Variants in INCENP observed in about 807,000 individuals in gnomAD.
The protein encoded by INCENP is binds and activates aurora-B and -C in vivo and in vitro.
Under a neutral mutation model 107.3 loss-of-function variants are expected in INCENP, and 43 were observed. The ratio of observed to expected loss-of-function variants is 0.40; its 90% CI spans 0.31 to 0.52. The LOEUF (loss-of-function observed/expected upper bound fraction) is 0.52, where lower values mean the gene tolerates loss of function less well. INCENP is among the 20% of genes least tolerant of loss of function. INCENP has a pLI of 0.53. For synonymous variants in INCENP, 488 were observed against 494.4 expected (o/e 0.99, Z 0.17); for missense variants, 1,089 against 1,250.9 (o/e 0.87, Z 1.95).
chr11:62,146,997 G>A (rs570390649), intron 15 of INCENP, 95 bp downstream of exon 15: 32 of 1,531,832 alleles, frequency 2.1e-5, no homozygotes, highest in East Asian at 2.0e-4. Context: ...TGCATGTGAC[G>A]GTTTGCAGGT....
intron 5 of INCENP, 102 bp from the exon 6 acceptor site, chr11:62,138,611 T>C: frequency 3.6e-6 from 4 of 1,125,728 alleles, no homozygotes; most frequent in Non-Finnish European, 5.2e-6. Flanking sequence ...GCACCTTGTG[T>C]TGACCTCTTG....
rs1338610543 is a variant in INCENP, at chr11:62,145,069, C to T, written c.1693C>T (p.Arg565Trp). 9.3e-6 allele frequency: 15 copies of T among 1,613,508 alleles called. No homozygotes were observed. The highest frequency in any genetic ancestry group is 2.2e-5 in the South Asian group (2 of 91,068). ...RRQKVEEDKR[R>W]RLEEVKLKRE... ...GCAGAAGGTGGAGGAGGACAAGCGGCGGCGGCTGGAGGAGGTGAAGCTGTA... is the reference window on the plus strand; with the variant it reads ...GCAGAAGGTGGAGGAGGACAAGCGGTGGCGGCTGGAGGAGGTGAAGCTGTA... Residue 565 changes from arginine (R) to tryptophan (W), a missense_variant, in exon 12 of 19, where the codon CGG becomes TGG. Coordinates refer to ENST00000394818, the MANE Select transcript of INCENP (RefSeq NM_001040694.2).
Position 62,150,181 on chromosome 11 carries a change from G to A in INCENP, c.2516G>A (p.Arg839Gln), listed in dbSNP as rs750274801. Reference sequence around the variant, plus strand: ...TCCACCGATGATGAGGCCCATCCCCGGAAGCCCATCCCCACCTGGGCCCGA... The same window carrying A: ...TCCACCGATGATGAGGCCCATCCCCAGAAGCCCATCCCCACCTGGGCCCGA... ...DDSTDDEAHP[R>Q]KPIPTWARGT... Residue 839 changes from arginine (R) to glutamine (Q), a missense_variant, in exon 18 of 19, where the codon CGG becomes CAG. Coordinates refer to ENST00000394818, the MANE Select transcript of INCENP (RefSeq NM_001040694.2). 16 of 1,613,840 alleles carry A rather than the reference G, an allele frequency of 9.9e-6. No homozygotes were observed. The highest frequency in any genetic ancestry group is 1.3e-5 in the Non-Finnish European group (15 of 1,180,012).
intron 3 of INCENP, 47 bp downstream of exon 3, chr11:62,128,930 G>A: frequency 8.0e-7 from 1 of 1,242,280 alleles, no homozygotes; most frequent in East Asian, 2.3e-5. Flanking sequence ...GCTCTGCGGA[G>A]GCTTGGTGCC....
intron 18 of INCENP, 110 bp from the exon 19 acceptor site, chr11:62,151,652 A>T: frequency 5.9e-6 from 5 of 846,072 alleles, no homozygotes; most frequent in Non-Finnish European, 7.6e-6. Flanking sequence ...AGAGGGTGAC[A>T]GAGCTCTCTG....
intron 15 of INCENP, 54 bp downstream of exon 15, chr11:62,146,956 G>C: frequency 1.9e-6 from 3 of 1,586,086 alleles, no homozygotes; most frequent in Non-Finnish European, 1.7e-6. Flanking sequence ...GAAGAGAGAC[G>C]GTGTGAACCT....
chr11:62,130,449 A>C lies in INCENP; in HGVS notation c.922A>C (p.Ile308Leu), dbSNP rs1384859976. 5 of 1,614,014 alleles carry C rather than the reference A, an allele frequency of 3.1e-6. No homozygotes were observed. The highest frequency in any genetic ancestry group is 8.5e-7 in the Non-Finnish European group (1 of 1,180,030). ...CTCTCAATCGGTGCGGCACAGCCCGATCGCCCCGTCTTCCCCGAGTCCCCA... is the reference window on the plus strand; with the variant it reads ...CTCTCAATCGGTGCGGCACAGCCCGCTCGCCCCGTCTTCCCCGAGTCCCCA... Reference protein sequence around the residue: ...TDSQSVRHSPIAPSSPSPQVL... With the variant: ...TDSQSVRHSPLAPSSPSPQVL... Residue 308 changes from isoleucine (I) to leucine (L), a missense_variant, in exon 4 of 19, where the codon ATC becomes CTC. Ile to Leu is a conservative substitution (Grantham distance 5). Coordinates refer to ENST00000394818, the MANE Select transcript of INCENP (RefSeq NM_001040694.2).
chr11:62,138,233 A>G (rs1944034282), intron 5 of INCENP, among the ~76,000 whole-genome samples: 2 of 152,202 alleles, frequency 1.3e-5, no homozygotes, highest in Non-Finnish European at 2.9e-5. Flanking sequence ...GCTTCGGGCC[A>G]GGACACAGAC....
rs1339290903 is a variant in INCENP at position 62,130,517 on chromosome 11, T to C, written c.990T>C (p.Ser330=). The stretch of plus-strand genomic sequence containing the variant: ...ACTCTCTGGTGGCCAAACAGGAAAG[T>C]GTTGTCCGCAGGGCGAGCAGAAGGC... ...QKYSLVAKQE[S]VVRRASRRLA... Residue 330 remains serine (S), a synonymous_variant, in exon 4 of 19, where the codon AGT becomes AGC. Transcript: ENST00000394818. 2 of 1,613,936 alleles carry C rather than the reference T, an allele frequency of 1.2e-6. No individual in the cohort carries two copies. The highest frequency in any genetic ancestry group is 1.7e-5 in the Admixed American group (1 of 60,022).
In INCENP at chr11:62,128,757, T is replaced by A. The variant is rs202030461; in HGVS notation, c.141-13T>A. On this transcript the variant is annotated splice_polypyrimidine_tract_variant and intron_variant, in intron 2 of 18. Coordinates refer to ENST00000394818, the MANE Select transcript of INCENP (RefSeq NM_001040694.2). ...CAGGCAGCCTCGAGTGACACCCTCC[T>A]TGTGCCAAACAGAGAATTCAGCAAA... 9 of 1,594,870 alleles carry A rather than the reference T, an allele frequency of 5.6e-6. No individual in the cohort carries two copies. The East Asian group carries it at 2.0e-4, about 36-fold the overall frequency.
chr11:62,148,313 G>T (rs1944299106), intron 15 of INCENP, among the ~76,000 whole-genome samples, 163 bp from the exon 16 acceptor site: 1 of 152,198 alleles, frequency 6.6e-6, no homozygotes, highest in African/African-American at 2.4e-5. Flanking sequence ...TCTAGCCCCG[G>T]GGCAAAAGCG....
chr11:62,142,841 A>G (rs1431643012), intron 11 of INCENP, among the ~76,000 whole-genome samples: 2 of 152,066 alleles, frequency 1.3e-5, no homozygotes, highest in African/African-American at 4.8e-5. Flanking sequence ...GGTAATTAGG[A>G]TCAGATCCTA....
chr11:62,135,299 A>G (rs1413178297), intron 4 of INCENP, among the ~76,000 whole-genome samples: 1 of 151,578 alleles, frequency 6.6e-6, no homozygotes, highest in Non-Finnish European at 1.5e-5. Flanking sequence ...ATGAAATCTC[A>G]CTCTGTCGCC....
At chr11:62,149,164 CCTCT>C (rs10608140) in intron 17 of INCENP, among the ~76,000 whole-genome samples, 70,057 of 149,942 alleles carry the variant, frequency 0.47, 18,858 homozygotes, top group Middle Eastern at 0.69. Flanking sequence ...ACACAGATAT[CCTCT>C]CTCTCTCTCT....
intron 4 of INCENP, among the ~76,000 whole-genome samples, chr11:62,137,507 C>T (rs868337408): frequency 6.6e-6 from 1 of 152,106 alleles, no homozygotes; most frequent in Non-Finnish European, 1.5e-5. Flanking sequence ...TGTGTTGGGC[C>T]CCATGCTGGG....
chr11:62,137,607 G>T (rs552822225), intron 4 of INCENP, among the ~76,000 whole-genome samples: 3 of 152,178 alleles, frequency 2.0e-5, no homozygotes, highest in Non-Finnish European at 2.9e-5. Flanking sequence ...TCTCAGATGG[G>T]CATGGGAAGA....
intron 4 of INCENP, among the ~76,000 whole-genome samples, chr11:62,135,623 C>T (rs1046219697): frequency 2.0e-5 from 3 of 152,052 alleles, no homozygotes. Flanking sequence ...TCGATCATTT[C>T]GAAAATATTG....
Position 62,152,040 on chromosome 11 carries a change from T to C in INCENP, c.*64T>C, listed in dbSNP as rs1944387365. The stretch of plus-strand genomic sequence containing the variant: ...CCATGTCTATCTGTCTGTCTGTCGG[T>C]CTCTGTCTTGGTCTGTTGCCCTCCT... On this transcript the variant is annotated 3_prime_UTR_variant, in exon 19 of 19. Transcript: ENST00000394818. 3.7e-6 allele frequency: 5 copies of C among 1,338,966 alleles called. No individual in the cohort carries two copies. Among genetic ancestry groups the C allele is most frequent in the Non-Finnish European group, 5.2e-6 (5 of 960,892 alleles). The allele number at this position is 1,338,966 out of a possible 1,614,324, so 82.9% of individuals were successfully genotyped here.
rs1341153667 is a variant in INCENP, at chr11:62,128,236, C to T, written c.75C>T (p.Asn25=). The T allele has an allele frequency of 6.2e-7, 1 of 1,614,146 alleles. No homozygotes were observed. The highest frequency in any genetic ancestry group is 1.1e-5 in the South Asian group (1 of 91,082). ...CDQKLMEFLC[N]MDNKDLVWLE... is the part of the protein sequence containing the mutation. ...AGAAGCTCATGGAGTTTCTCTGCAACATGGATAATAAGGACTTGGTGTGGC... is the reference window on the plus strand; with the variant it reads ...AGAAGCTCATGGAGTTTCTCTGCAATATGGATAATAAGGACTTGGTGTGGC... The change falls in exon 2 of 19, where the codon AAC becomes AAT. Residue 25 remains asparagine (N), a synonymous_variant. Transcript: ENST00000394818.
Sources: gnomAD v4.1 joint callset for allele counts (sites outside exome capture counted in the v4.1 genomes callset) on GRCh38, gnomAD v4.1.1 for gene constraint, MANE v1.5 for transcripts, NCBI Gene and HGNC (gene_info 2026-07-23, HGNC 2026-07-21) for gene names.